COLQ: variants seen among roughly 807,000 people sequenced by gnomAD.
COLQ encodes collagen like tail subunit of asymmetric acetylcholinesterase.
COLQ carries 48 observed loss-of-function variants against 69.0 expected under a neutral mutation model. The ratio of observed to expected loss-of-function variants is 0.70; its 90% CI spans 0.55 to 0.88. COLQ has a LOEUF of 0.88. Among genes scored for constraint, COLQ ranks in the 40% least tolerant of loss-of-function variants. COLQ has a pLI of 0.00. For missense variants in COLQ, 618 were observed against 594.6 expected (o/e 1.04, Z -0.41); for synonymous variants, 217 against 211.2 (o/e 1.03, Z -0.24).
At chr3:15,517,813 A>C (rs1389955955) in intron 1 of COLQ, among the ~76,000 whole-genome samples, 1 of 152,256 alleles carries the variant, frequency 6.6e-6, no homozygotes, top group Non-Finnish European at 1.5e-5. Flanking sequence ...AAGCAAGATA[A>C]AGTAGGCACA....
intron 1 of COLQ, among the ~76,000 whole-genome samples, chr3:15,504,775 G>T (rs1005121688): frequency 2.0e-5 from 3 of 152,182 alleles, no homozygotes; most frequent in African/African-American, 7.2e-5. Flanking sequence ...CAGGAGAGTC[G>T]TTTGAACCCG....
At position 15,471,874 on chromosome 3, in the gene COLQ, C is replaced by T. The variant is rs149402086; in HGVS notation, c.637-1258G>A. Reference sequence around the variant, plus strand: ...GCGTGTGAGAGGATAGGATGGATGCCGCATGCCATGGAGATGCTTGCAGTT... The same window carrying T: ...GCGTGTGAGAGGATAGGATGGATGCTGCATGCCATGGAGATGCTTGCAGTT... On this transcript the variant is annotated intron_variant, in intron 10 of 16. Coordinates refer to ENST00000383788, the MANE Select transcript of COLQ (RefSeq NM_005677.4). Among the ~76,000 whole-genome samples the T allele has an allele frequency of 4.6e-4, 70 of 152,176 alleles. 2 individuals are homozygous for T. In the East Asian group the frequency reaches 9.3e-3, roughly 20 times the overall value.
At chr3:15,463,914 G>T (rs2062159186) in intron 12 of COLQ, among the ~76,000 whole-genome samples, 1 of 152,194 alleles carries the variant, frequency 6.6e-6, no homozygotes, top group African/African-American at 2.4e-5. Context: ...TAACAACATG[G>T]AAACAGGCGC....
chr3:15,472,824 C>T (rs1331732782), intron 10 of COLQ, among the ~76,000 whole-genome samples: 2 of 151,742 alleles, frequency 1.3e-5, no homozygotes, highest in Admixed American at 1.3e-4. Flanking sequence ...TTCTTTCTTT[C>T]TCTCTCTCTC....
At chr3:15,466,283 C>G in intron 12 of COLQ, 58 bp downstream of exon 12, 1 of 1,277,072 alleles carries the variant, frequency 7.8e-7, no homozygotes, top group Middle Eastern at 1.8e-4. Flanking sequence ...CTTGTGCCCT[C>G]TCTGGGAGGC....
chr3:15,451,236 C>T lies in COLQ; in HGVS notation c.*408G>A, dbSNP rs771628214. The T allele has an allele frequency of 5.2e-5, 14 of 270,852 alleles. No individual in the cohort carries two copies. The highest frequency in any genetic ancestry group is 1.7e-4 in the African/African-American group (8 of 45,762). 16.8% of individuals were successfully genotyped at this position (270,852 alleles called of 1,614,324 possible). On this transcript the variant is annotated 3_prime_UTR_variant, in exon 17 of 17. Coordinates refer to ENST00000383788, the MANE Select transcript of COLQ (RefSeq NM_005677.4). ...GCCTGCACGTTTCGGTGGTCAGGGG[C>T]GGAGAGGCCTGTACTCCAGATTCCC...
rs765680430 is a variant in COLQ, at chr3:15,458,222, T to C, written c.918A>G (p.Glu306=). 1 of 1,614,096 alleles carries C rather than the reference T, an allele frequency of 6.2e-7. No homozygotes were observed. The highest frequency in any genetic ancestry group is 8.5e-7 in the Non-Finnish European group (1 of 1,179,996). ...GCGGGGAACTGGGCCCATACACAGA[T>C]TCCCCGTAGGAAGGGTTATTCACAT... ...TMNVNNPSYG[E]SVYGPSSPRV... The change falls in exon 13 of 17, where the codon GAA becomes GAG. Residue 306 remains glutamate (E), a synonymous_variant. Transcript: ENST00000383788.
intron 13 of COLQ, 145 bp downstream of exon 13, chr3:15,458,041 A>G (rs2062049594): frequency 2.4e-6 from 2 of 842,716 alleles, no homozygotes; most frequent in East Asian, 5.2e-5. Context: ...TGATTTTCTC[A>G]TATTTTCCAA....
chr3:15,458,898 C>T (rs953778811), intron 12 of COLQ, among the ~76,000 whole-genome samples: 5 of 150,606 alleles, frequency 3.3e-5, no homozygotes, highest in African/African-American at 1.2e-4. Flanking sequence ...GGCTGGAGTG[C>T]AGTGGCACGA....
intron 1 of COLQ, among the ~76,000 whole-genome samples, chr3:15,516,130 CTTTAA>C (rs1256340110): frequency 6.6e-6 from 1 of 152,162 alleles, no homozygotes; most frequent in African/African-American, 2.4e-5. Context: ...TTAGAGAGTT[CTTTAA>C]TTTAAGAATC....
chr3:15,499,756 G>A (rs1275493002), intron 1 of COLQ, among the ~76,000 whole-genome samples: 1 of 152,200 alleles, frequency 6.6e-6, no homozygotes, highest in African/African-American at 2.4e-5. Context: ...TCAGTGTCAC[G>A]GGAAGAGTAC....
chr3:15,454,080 G>A, intron 15 of COLQ, 149 bp from the exon 16 acceptor site: 1 of 661,568 alleles, frequency 1.5e-6, no homozygotes, highest in South Asian at 1.6e-5. Context: ...ACTCCTCCAG[G>A]GACTGCCCAC....
chr3:15,478,889 C>T, intron 5 of COLQ, 88 bp downstream of exon 5: 3 of 1,502,302 alleles, frequency 2.0e-6, no homozygotes, highest in Non-Finnish European at 2.8e-6. Flanking sequence ...CACTGAAGTG[C>T]ATTGCTGTTC....
intron 3 of COLQ, among the ~76,000 whole-genome samples, chr3:15,487,898 CTGATTG>C (rs2062599980): frequency 6.6e-6 from 1 of 151,884 alleles, no homozygotes; most frequent in Non-Finnish European, 1.5e-5. Context: ...AAGTGTTTGT[CTGATTG>C]TAACTGTAAT....
At chr3:15,498,597 G>C in intron 1 of COLQ, 1 of 1,551,838 alleles carries the variant, frequency 6.4e-7, no homozygotes, top group Non-Finnish European at 8.7e-7. Flanking sequence ...TTGTGAGGCA[G>C]GGCCCAAAGC....
At chr3:15,495,326 G>T (rs964296) in intron 1 of COLQ, among the ~76,000 whole-genome samples, 67,011 of 152,046 alleles carry the variant, frequency 0.44, 16,561 homozygotes, top group African/African-American at 0.66. Flanking sequence ...GCTAAGTGAT[G>T]GAGGGGAGAC....
At position 15,468,689 on chromosome 3, in the gene COLQ, A is replaced by G. The variant is rs574205291; in HGVS notation, c.717+1847T>C. On this transcript the variant is annotated intron_variant, in intron 11 of 16. Coordinates refer to ENST00000383788, the MANE Select transcript of COLQ (RefSeq NM_005677.4). ...GCTTTCCTGGGCTTGCCTGAAGGCA[A>G]GTCCTGAAGCATGAAGGTAGCTGAG... is the stretch of plus-strand genomic sequence containing the variant. 6.6e-5 allele frequency among the ~76,000 whole-genome samples: 10 copies of G among 152,280 alleles called. No individual in the cohort carries two copies. The South Asian group carries it at 1.9e-3, about 28-fold the overall frequency.
chr3:15,468,389 G>A (rs1438066536), intron 11 of COLQ, among the ~76,000 whole-genome samples: 1 of 140,154 alleles, frequency 7.1e-6, no homozygotes, highest in Admixed American at 7.5e-5. Flanking sequence ...CTGGAGTGCA[G>A]TGGCGTGATC....
intron 12 of COLQ, among the ~76,000 whole-genome samples, chr3:15,459,441 TA>T (rs1159025007): frequency 2.0e-5 from 3 of 150,796 alleles, no homozygotes; most frequent in South Asian, 2.1e-4. Flanking sequence ...ATTTATTTAT[TA>T]AAAAAAATTT....
Sources: allele counts gnomAD v4.1 joint callset (sites outside exome capture counted in the v4.1 genomes callset), GRCh38; gene constraint gnomAD v4.1.1; transcripts MANE v1.5; gene names NCBI Gene and HGNC (gene_info 2026-07-23, HGNC 2026-07-21).